Variants in DERL2 observed in about 807,000 individuals in gnomAD.
DERL2 encodes derlin-2.
Under a neutral mutation model 32.0 loss-of-function variants are expected in DERL2, and 13 were observed. The ratio of observed to expected loss-of-function variants is 0.41; its 90% CI spans 0.26 to 0.65. The LOEUF (loss-of-function observed/expected upper bound fraction) is 0.65. Ranked by LOEUF, DERL2 falls within the 30% of genes least tolerant of loss-of-function variation. The pLI, the probability that DERL2 is intolerant of heterozygous loss-of-function variation, is 0.35. For missense variants in DERL2, 208 were observed against 296.3 expected (o/e 0.70, Z 2.19); for synonymous variants, 111 against 104.7 (o/e 1.06, Z -0.37).
In DERL2 at chr17:5,474,504, C is replaced by T; in HGVS notation, c.*180G>A. The T allele has an allele frequency of 1.9e-6, 1 of 517,050 alleles. No individual in the cohort carries two copies. Among genetic ancestry groups the T allele is most frequent in the Non-Finnish European group, 3.4e-6 (1 of 294,248 alleles). The allele number at this position is 517,050 out of a possible 1,614,324, so 32.0% of individuals were successfully genotyped here. On this transcript the variant is annotated 3_prime_UTR_variant, in exon 7 of 7. Transcript: ENST00000158771. This position sits in a 1 kb window ranked among gnomAD's most constrained non-coding sequence, Gnocchi z 4.3. ...TTTCAGTACCAGTGTAGTGAGGAAC[C>T]ACTGGCAAACTGTTGGAAATGTCTT...
Position 5,480,709 on chromosome 17 carries a change from TAGA to T in DERL2, c.328-130_328-128del, listed in dbSNP as rs1341871306. 9.8e-6 allele frequency: 8 copies of T among 818,594 alleles called. No homozygotes were observed. In the East Asian group the frequency reaches 1.6e-4, roughly 16 times the overall value. The allele number at this position is 818,594 out of a possible 1,614,324, so 50.7% of individuals were successfully genotyped here. A position where few individuals can be genotyped will look rare whatever the true frequency, so the allele number is the denominator to read the frequency against. ...AAGTCAAGTTGTTACATCTTTAGAA[TAGA>T]AGGAGAAACACCCAGAAAATAATTA... is the stretch of plus-strand genomic sequence containing the variant. On this transcript the variant is annotated intron_variant, in intron 4 of 6. Transcript: ENST00000158771.
chr17:5,472,131 T>A lies in DERL2; in HGVS notation c.*2553A>T, dbSNP rs1905151592. ...AGGAGATGCAATTTGTATGTCCATTTATTTTTAAATGAACGTATACCGTAT... is the reference window on the plus strand; with the variant it reads ...AGGAGATGCAATTTGTATGTCCATTAATTTTTAAATGAACGTATACCGTAT... On this transcript the variant is annotated 3_prime_UTR_variant, in exon 7 of 7. Transcript: ENST00000158771. 1 of 152,256 alleles carries A rather than the reference T, an allele frequency of 6.6e-6. No homozygotes were observed. The highest frequency in any genetic ancestry group is 1.5e-5 in the Non-Finnish European group (1 of 68,044). The allele number at this position is 152,256 out of a possible 1,614,324, so 9.4% of individuals were successfully genotyped here.
chr17:5,481,675 A>T lies in DERL2; in HGVS notation c.234-286T>A, dbSNP rs1335847657. 6.6e-6 allele frequency among the ~76,000 whole-genome samples: 1 copy of T among 151,324 alleles called. No individual in the cohort carries two copies. Among genetic ancestry groups the T allele is most frequent in the Admixed American group, 6.6e-5 (1 of 15,200 alleles). On this transcript the variant is annotated intron_variant, in intron 3 of 6. Transcript: ENST00000158771. The surrounding 1 kb of genome is among the most constrained non-coding windows in gnomAD (Gnocchi z 4.4). ...CTTTTTTTTTTTTCTTTTGAGACAG[A>T]GTCTCGCTCTGTCACCTAGGATGGA...
intron 1 of DERL2, 92 bp downstream of exon 1, chr17:5,485,977 C>T (rs1906235639): frequency 4.1e-6 from 5 of 1,224,244 alleles, no homozygotes; most frequent in Non-Finnish European, 4.6e-6. Context: ...GGACCAGCCC[C>T]TCTGGGCCTC....
intron 1 of DERL2, 121 bp from the exon 2 acceptor site, chr17:5,485,337 G>C: frequency 6.3e-6 from 4 of 637,686 alleles, no homozygotes; most frequent in Non-Finnish European, 1.1e-5. Context: ...TTTCCTTTAA[G>C]CCTTTCTTCT....
chr17:5,485,705 T>A (rs1051759619), intron 1 of DERL2, among the ~76,000 whole-genome samples: 16 of 152,178 alleles, frequency 1.1e-4, no homozygotes, highest in Non-Finnish European at 1.8e-4. Context: ...TCCAGCTTGC[T>A]TTCCCCATTC....
In DERL2 at chr17:5,480,037, T is replaced by A; in HGVS notation, c.614+17A>T. ...GGTTTGCCTGTAAGAGTATGTAACCTGGTGTTAAATACTCACAAAATAGAT... is the reference window on the plus strand; with the variant it reads ...GGTTTGCCTGTAAGAGTATGTAACCAGGTGTTAAATACTCACAAAATAGAT... On this transcript the variant is annotated intron_variant, in intron 6 of 6. Transcript: ENST00000158771. 1 of 1,497,048 alleles carries A rather than the reference T, an allele frequency of 6.7e-7. No individual in the cohort carries two copies. Among genetic ancestry groups the A allele is most frequent in the African/African-American group, 1.4e-5 (1 of 72,474 alleles). 92.7% of individuals were successfully genotyped at this position (1,497,048 alleles called of 1,614,324 possible).
Position 5,471,971 on chromosome 17 carries a change from T to C in DERL2, c.*2713A>G, listed in dbSNP as rs528610876. On this transcript the variant is annotated 3_prime_UTR_variant, in exon 7 of 7. Transcript: ENST00000158771. ...ACCCAGGACTTAGGTGTTCTGCTTCTAGAGACTACACAAGAGGTATGAAAG... is the reference window on the plus strand; with the variant it reads ...ACCCAGGACTTAGGTGTTCTGCTTCCAGAGACTACACAAGAGGTATGAAAG... The C allele has an allele frequency of 2.0e-5, 3 of 152,036 alleles. No individual in the cohort carries two copies. The East Asian group carries it at 5.8e-4, about 30-fold the overall frequency. The allele number at this position is 152,036 out of a possible 1,614,324, so 9.4% of individuals were successfully genotyped here.
rs1480035130 is a variant in DERL2 at position 5,481,539 on chromosome 17, CT to C, written c.234-151del. 2 of 634,752 alleles carry C rather than the reference CT, an allele frequency of 3.2e-6. No individual in the cohort carries two copies. Among genetic ancestry groups the C allele is most frequent in the African/African-American group, 1.8e-5 (1 of 54,214 alleles). The allele number at this position is 634,752 out of a possible 1,614,324, so 39.3% of individuals were successfully genotyped here. A position where few individuals can be genotyped will look rare whatever the true frequency, so the allele number is the denominator to read the frequency against. On this transcript the variant is annotated intron_variant, in intron 3 of 6. Transcript: ENST00000158771. This position sits in a 1 kb window ranked among gnomAD's most constrained non-coding sequence, Gnocchi z 4.4. ...GAATGTTTGAGTGGTAATGTGATTA[CT>C]TTTTTACCAAGCATTTGAGAAAAGG...
At chr17:5,483,328 C>T (rs1429417132) in intron 2 of DERL2, among the ~76,000 whole-genome samples, 1 of 143,150 alleles carries the variant, frequency 7.0e-6, no homozygotes, top group Non-Finnish European at 1.5e-5. Context: ...AAGGAAAATT[C>T]TTTTTTTTTA....
intron 6 of DERL2, among the ~76,000 whole-genome samples, chr17:5,475,652 G>C (rs1905337444): frequency 6.6e-6 from 1 of 152,064 alleles, no homozygotes; most frequent in Non-Finnish European, 1.5e-5. Context: ...AGGCGGCTGA[G>C]GCAGAAGAAT....
upstream of DERL2, chr17:5,486,184 A>ACCCCCCCC: frequency 1.3e-6 from 1 of 789,488 alleles, no homozygotes; most frequent in Non-Finnish European, 1.6e-6. Flanking sequence ...CGCCTGCCCC[A>ACCCCCCCC]CCCCCCACCC....
At chr17:5,476,211 T>G (rs1905369837) in intron 6 of DERL2, among the ~76,000 whole-genome samples, 1 of 152,178 alleles carries the variant, frequency 6.6e-6, no homozygotes, top group African/African-American at 2.4e-5. Flanking sequence ...AAGGAACCAT[T>G]AAAGCAGCAT....
intron 1 of DERL2, 83 bp from the exon 2 acceptor site, chr17:5,485,299 T>C: frequency 2.1e-6 from 2 of 954,790 alleles, no homozygotes; most frequent in South Asian, 1.6e-5. Flanking sequence ...GGTCTAGCAA[T>C]TTCCAACTCT....
At chr17:5,480,815 C>T (rs1597373342) in intron 4 of DERL2, 3 of 454,242 alleles carry the variant, frequency 6.6e-6, no homozygotes, top group South Asian at 6.0e-5. Flanking sequence ...ACTCTGCTTT[C>T]GTGAAGTTCT....
Position 5,481,424 on chromosome 17 carries a change from G to A in DERL2, c.234-35C>T, listed in dbSNP as rs757473041. On this transcript the variant is annotated intron_variant, in intron 3 of 6. Coordinates refer to ENST00000158771, the MANE Select transcript of DERL2 (RefSeq NM_016041.5). The surrounding 1 kb of genome is among the most constrained non-coding windows in gnomAD (Gnocchi z 4.4). ...CAAGTTAAGAAAATATTAAGCACACGAATATGAACAAAGTAAAAATTTAAT... is the reference window on the plus strand; with the variant it reads ...CAAGTTAAGAAAATATTAAGCACACAAATATGAACAAAGTAAAAATTTAAT... The A allele has an allele frequency of 4.3e-5, 62 of 1,440,620 alleles. No homozygotes were observed. Among genetic ancestry groups the A allele is most frequent in the Non-Finnish European group, 5.5e-5 (56 of 1,026,472 alleles). The allele number at this position is 1,440,620 out of a possible 1,614,324, so 89.2% of individuals were successfully genotyped here.
Position 5,481,125 on chromosome 17 carries a change from G to A in DERL2, c.327+171C>T. 1.5e-6 allele frequency: 1 copy of A among 660,474 alleles called. No individual in the cohort carries two copies. Among genetic ancestry groups the A allele is most frequent in the Non-Finnish European group, 2.7e-6 (1 of 372,042 alleles). The allele number at this position is 660,474 out of a possible 1,614,324, so 40.9% of individuals were successfully genotyped here. ...CCTGGGTTAAAAGTTCCTTTGACTT[G>A]CTCATCCTGTCCGACTGCTAGGTTT... is the stretch of plus-strand genomic sequence containing the variant. On this transcript the variant is annotated intron_variant, in intron 4 of 6. Coordinates refer to ENST00000158771, the MANE Select transcript of DERL2 (RefSeq NM_016041.5). This position sits in a 1 kb window ranked among gnomAD's most constrained non-coding sequence, Gnocchi z 4.4.
upstream of DERL2, chr17:5,486,381 C>A: frequency 2.0e-6 from 1 of 510,520 alleles, no homozygotes; most frequent in Admixed American, 3.4e-5. Context: ...CCCATCTCCC[C>A]ACCCTCTCTT....
chr17:5,480,860 ATAATTAT>A (rs1905730230), intron 4 of DERL2: 1 of 456,058 alleles, frequency 2.2e-6, no homozygotes, highest in East Asian at 3.4e-5. Context: ...TCTTCAGTCA[ATAATTAT>A]ATTAAAGCTT....
Sources: gnomAD v4.1 joint callset for allele counts (sites outside exome capture counted in the v4.1 genomes callset) on GRCh38, gnomAD v4.1.1 for gene constraint, Gnocchi (gnomAD v3.1) non-coding constraint, MANE v1.5 for transcripts, NCBI Gene and HGNC (gene_info 2026-07-23, HGNC 2026-07-21) for gene names.